The following PNPO variants were observed in gnomAD, a reference collection of about 807,000 sequenced individuals.
The protein encoded by PNPO is pyridoxamine 5'-phosphate oxidase, also known as pyridoxine-5'-phosphate oxidase.
Under a neutral mutation model 35.0 loss-of-function variants are expected in PNPO, and 39 were observed. That is an observed-to-expected ratio of 1.11 (90% CI 0.86 to 1.45). PNPO has a LOEUF of 1.45. Ranked by LOEUF, PNPO falls within the 40% of genes most tolerant of loss-of-function variation. PNPO has a pLI of 0.00. For synonymous variants in PNPO, 115 were observed against 119.8 expected (o/e 0.96, Z 0.26); for missense variants, 288 against 340.0 (o/e 0.85, Z 1.20).
rs762138576 is a variant in PNPO at position 47,943,418 on chromosome 17, C to G, written c.251C>G (p.Ala84Gly). ...DIGEANAMCL[A>G]TCTRDGKPSA... ...GGGGAAGCCAATGCCATGTGTCTGG[C>G]TACCTGCACCAGGTGGGCATGGCTG... Residue 84 changes from alanine (A) to glycine (G), a missense_variant, in exon 2 of 7, where the codon GCT becomes GGT. Physicochemically the swap from Ala to Gly is moderately conservative, Grantham distance 60. Transcript: ENST00000642017. 27 of 1,613,804 alleles carry G rather than the reference C, an allele frequency of 1.7e-5. No individual in the cohort carries two copies. Among genetic ancestry groups the G allele is most frequent in the Non-Finnish European group, 2.3e-5 (27 of 1,179,756 alleles).
intron 2 of PNPO, among the ~76,000 whole-genome samples, chr17:47,944,167 A>C (rs563050988): frequency 1.5e-4 from 22 of 151,438 alleles, no homozygotes; most frequent in South Asian, 2.1e-4. Flanking sequence ...GTTTGCAGAC[A>C]GCTACTTTTT....
rs1031368244 is a variant in PNPO at position 47,945,559 on chromosome 17, G to A, written c.364G>A (p.Asp122Asn). The A allele has an allele frequency of 1.2e-6, 2 of 1,612,712 alleles. No homozygotes were observed. Among genetic ancestry groups the A allele is most frequent in the African/African-American group, 1.3e-5 (1 of 75,002 alleles). The change falls in exon 4 of 7, where the codon GAC becomes AAC. Residue 122 changes from aspartate (D) to asparagine (N), a missense_variant and splice_region_variant. Transcript: ENST00000642017. The surrounding 1 kb of genome is among the most constrained non-coding windows in gnomAD (Gnocchi z 4.0). ...GCTGTGGATTCTCTTTTACTTCTAG[G>A]ACTCTAATCCCTTTGCTTCCCTTGT... ...NFESRKGKEL[D>N]SNPFASLVFY...
In PNPO at chr17:47,941,809, G is replaced by A. The variant is rs975643797; in HGVS notation, c.134G>A (p.Arg45Gln). 5 of 1,566,142 alleles carry A rather than the reference G, an allele frequency of 3.2e-6. No homozygotes were observed. The African/African-American group carries it at 6.7e-5, about 21-fold the overall frequency. ...GPMRKSYRGD[R>Q]EAFEETHLTS... ...ATGCGCAAGAGTTACCGCGGGGACC[G>A]AGAGGTGCCGCCGCTAGGGCCAGGC... Residue 45 changes from arginine (R) to glutamine (Q), a missense_variant, in exon 1 of 7, where the codon CGA (arginine) becomes CAA (glutamine). Arg to Gln is a conservative substitution (Grantham distance 43). Transcript: ENST00000642017.
At chr17:47,943,578 C>A in intron 2 of PNPO, 148 bp downstream of exon 2, 1 of 955,244 alleles carries the variant, frequency 1.0e-6, no homozygotes, top group Non-Finnish European at 1.6e-6. Flanking sequence ...CCTCTCTGGG[C>A]CTGTGTCCTT....
chr17:47,946,847 A>T lies in PNPO; in HGVS notation c.*65A>T. 8 of 1,479,900 alleles carry T rather than the reference A, an allele frequency of 5.4e-6. No individual in the cohort carries two copies. Among genetic ancestry groups the T allele is most frequent in the Non-Finnish European group, 6.6e-6 (7 of 1,063,700 alleles). 91.7% of individuals were successfully genotyped at this position (1,479,900 alleles called of 1,614,324 possible). ...TGTCAAGAGAGGGTGTGGGATTGGG[A>T]CCCAGGCCCTTCTTTCTAAACTCAA... On this transcript the variant is annotated 3_prime_UTR_variant, in exon 7 of 7. Transcript: ENST00000642017.
intron 1 of PNPO, among the ~76,000 whole-genome samples, chr17:47,942,600 G>A (rs1394599248): frequency 6.6e-6 from 1 of 152,206 alleles, no homozygotes; most frequent in Non-Finnish European, 1.5e-5. Context: ...CCACTGGGAA[G>A]TTCTTTTCCT....
In PNPO at chr17:47,948,315, C is replaced by T. The variant is rs2036035299; in HGVS notation, c.*1533C>T. On this transcript the variant is annotated 3_prime_UTR_variant, in exon 7 of 7. Coordinates refer to ENST00000642017, the MANE Select transcript of PNPO (RefSeq NM_018129.4). ...CTCACGTATCTGCTTTTCTTACTCC[C>T]CACCTCTGCTGATAATTCCTAGTTC... is the stretch of plus-strand genomic sequence containing the variant. The T allele has an allele frequency of 6.6e-6, 1 of 152,074 alleles. No individual in the cohort carries two copies. Among genetic ancestry groups the T allele is most frequent in the Admixed American group, 6.5e-5 (1 of 15,268 alleles). The allele number at this position is 152,074 out of a possible 1,614,324, so 9.4% of individuals were successfully genotyped here. A position where few individuals can be genotyped will look rare whatever the true frequency, so the allele number is the denominator to read the frequency against.
intron 6 of PNPO, 87 bp downstream of exon 6, chr17:47,946,480 C>T (rs997630518): frequency 1.2e-5 from 16 of 1,390,812 alleles, no homozygotes; most frequent in Middle Eastern, 1.8e-4. Context: ...CACAGATCTC[C>T]TCCTCCCTGG....
At position 47,949,095 on chromosome 17, in the gene PNPO, T is replaced by G. The variant is rs1379297988; in HGVS notation, c.*2313T>G. 1 of 152,380 alleles carries G rather than the reference T, an allele frequency of 6.6e-6. No individual in the cohort carries two copies. Among genetic ancestry groups the G allele is most frequent in the Non-Finnish European group, 1.5e-5 (1 of 68,160 alleles). The allele number at this position is 152,380 out of a possible 1,614,324, so 9.4% of individuals were successfully genotyped here. On this transcript the variant is annotated 3_prime_UTR_variant, in exon 7 of 7. Transcript: ENST00000642017. ...CAGGAGGGTGTTGGGTGCCCTTACC[T>G]ACCTTGCCCTTTTTCTTGTACCGTA...
At chr17:47,943,142 C>T (rs543965031) in intron 1 of PNPO, among the ~76,000 whole-genome samples, 164 bp from the exon 2 acceptor site, 2 of 152,304 alleles carry the variant, frequency 1.3e-5, no homozygotes, top group East Asian at 1.9e-4. Context: ...GTTTCCTCAC[C>T]TGTAAAATGG....
chr17:47,941,711 C>A lies in PNPO; in HGVS notation c.36C>A (p.Phe12Leu). The A allele has an allele frequency of 6.5e-7, 1 of 1,542,832 alleles. No individual in the cohort carries two copies. The highest frequency in any genetic ancestry group is 8.8e-7 in the Non-Finnish European group (1 of 1,141,616). The stretch of plus-strand genomic sequence containing the variant: ...GGCTGCGGGGCGTCACGGCGACGTT[C>A]GGGCGACCTGCCGAGTGGCCAGGCT... ...TCWLRGVTAT[F>L]GRPAEWPGYL... The change falls in exon 1 of 7, where the codon TTC becomes TTA. Residue 12 changes from phenylalanine to leucine, a missense_variant. Transcript: ENST00000642017.
intron 1 of PNPO, among the ~76,000 whole-genome samples, chr17:47,942,925 AAAAT>A (rs747079467): frequency 7.2e-5 from 11 of 152,136 alleles, no homozygotes; most frequent in Non-Finnish European, 1.6e-4. Context: ...GACCCTGTCT[AAAAT>A]AAATAAATAA....
In PNPO at chr17:47,946,977, G is replaced by A; in HGVS notation, c.*195G>A. ...GTTAGCTGGTCAAGTGGAGTGTAAT[G>A]GTGGCGTAGAGAATCACAAATGGAA... On this transcript the variant is annotated 3_prime_UTR_variant, in exon 7 of 7. Coordinates refer to ENST00000642017, the MANE Select transcript of PNPO (RefSeq NM_018129.4). 1 of 602,030 alleles carries A rather than the reference G, an allele frequency of 1.7e-6. No individual in the cohort carries two copies. The allele number at this position is 602,030 out of a possible 1,614,324, so 37.3% of individuals were successfully genotyped here.
rs2036000732 is a variant in PNPO, at chr17:47,945,885, A to C, written c.442A>C (p.Lys148Gln). ...GGTGCGTGTGGAAGGCCCTGTGAAG[A>C]AACTGCCTGAGGAGGAGGCTGAGTG... ...RQVRVEGPVK[K>Q]LPEEEAECYF... The change falls in exon 5 of 7, where the codon AAA (lysine) becomes CAA (glutamine). Residue 148 changes from lysine (K) to glutamine (Q), a missense_variant. Lys to Gln is a moderately conservative substitution (Grantham distance 53). Coordinates refer to ENST00000642017, the MANE Select transcript of PNPO (RefSeq NM_018129.4). The surrounding 1 kb of genome is among the most constrained non-coding windows in gnomAD (Gnocchi z 4.0). 1.2e-6 allele frequency: 2 copies of C among 1,613,828 alleles called. No homozygotes were observed. Among genetic ancestry groups the C allele is most frequent in the South Asian group, 2.2e-5 (2 of 91,082 alleles).
chr17:47,942,433 T>G lies in PNPO; in HGVS notation c.138+620T>G, dbSNP rs2144158084. Among the ~76,000 whole-genome samples the G allele has an allele frequency of 2.6e-5, 4 of 152,024 alleles. No individual in the cohort carries two copies. The Middle Eastern group carries it at 0.014, about 517-fold the overall frequency. Reference sequence around the variant, plus strand: ...GTCACCCAAACCTCCTTGTGCCAGGTGGGCATGGTCATGGGCCCCTCTTTA... The same window carrying G: ...GTCACCCAAACCTCCTTGTGCCAGGGGGGCATGGTCATGGGCCCCTCTTTA... On this transcript the variant is annotated intron_variant, in intron 1 of 6. Transcript: ENST00000642017.
At chr17:47,944,112 T>C (rs1399265266) in intron 2 of PNPO, among the ~76,000 whole-genome samples, 2 of 152,190 alleles carry the variant, frequency 1.3e-5, no homozygotes, top group Admixed American at 6.5e-5. Context: ...AAGTCCAAGA[T>C]CAAGGTGCCA....
rs912610985 is a variant in PNPO at position 47,949,129 on chromosome 17, C to T, written c.*2347C>T. 1.3e-5 allele frequency: 2 copies of T among 152,266 alleles called. No homozygotes were observed. Among genetic ancestry groups the T allele is most frequent in the Admixed American group, 1.3e-4 (2 of 15,278 alleles). 9.4% of individuals were successfully genotyped at this position (152,266 alleles called of 1,614,324 possible). On this transcript the variant is annotated 3_prime_UTR_variant, in exon 7 of 7. Transcript: ENST00000642017. ...CTTTTTCTTGTACCGTAGGCTGTGC[C>T]GTTTATGAGTAAGTGATGTGTGTCT...
Position 47,943,211 on chromosome 17 carries a change from TA to T in PNPO, c.139-92del, listed in dbSNP as rs1204934862. 7.5e-6 allele frequency: 7 copies of T among 938,940 alleles called. No homozygotes were observed. The African/African-American group carries it at 1.1e-4, about 15-fold the overall frequency. 58.2% of individuals were successfully genotyped at this position (938,940 alleles called of 1,614,324 possible). On this transcript the variant is annotated intron_variant, in intron 1 of 6. Coordinates refer to ENST00000642017, the MANE Select transcript of PNPO (RefSeq NM_018129.4). ...ATTTTAAGGTCATTGTCATGAGGAC[TA>T]AATGAGTTGATTTTTGAAAAGTGAC...
chr17:47,941,631 A>T lies in PNPO; in HGVS notation c.-45A>T. 2.0e-6 allele frequency: 3 copies of T among 1,500,204 alleles called. No homozygotes were observed. The highest frequency in any genetic ancestry group is 2.7e-6 in the Non-Finnish European group (3 of 1,116,378). The allele number at this position is 1,500,204 out of a possible 1,614,324, so 92.9% of individuals were successfully genotyped here. A position where few individuals can be genotyped will look rare whatever the true frequency, so the allele number is the denominator to read the frequency against. On this transcript the variant is annotated 5_prime_UTR_variant, in exon 1 of 7. Coordinates refer to ENST00000642017, the MANE Select transcript of PNPO (RefSeq NM_018129.4). The stretch of plus-strand genomic sequence containing the variant: ...AGAAATTGGTTCCGAACTCAAAGGA[A>T]CCCAGTGCCGGGCCACAGCCGGGTC...
Sources: allele counts gnomAD v4.1 joint callset (sites outside exome capture counted in the v4.1 genomes callset), GRCh38; gene constraint gnomAD v4.1.1; non-coding constraint Gnocchi (gnomAD v3.1); transcripts MANE v1.5; gene names NCBI Gene and HGNC (gene_info 2026-07-23, HGNC 2026-07-21).